The following HDAC11 variants were observed in gnomAD, a reference collection of about 807,000 sequenced individuals.
HDAC11 encodes histone deacetylase 11.
HDAC11 carries 23 observed loss-of-function variants against 41.1 expected under a neutral mutation model. That is an observed-to-expected ratio of 0.56 (90% CI 0.40 to 0.79). HDAC11 has a LOEUF of 0.79. HDAC11 is among the 30% of genes least tolerant of loss of function. The pLI, the probability that HDAC11 is intolerant of heterozygous loss-of-function variation, is 0.00. For synonymous variants in HDAC11, 187 were observed against 186.6 expected (o/e 1.00, Z -0.02); for missense variants, 402 against 477.3 (o/e 0.84, Z 1.47).
At chr3:13,494,165 C>T (rs1394282671) in intron 3 of HDAC11, among the ~76,000 whole-genome samples, 1 of 152,194 alleles carries the variant, frequency 6.6e-6, no homozygotes, top group Admixed American at 6.5e-5. Context: ...CGAGAGAATG[C>T]CTTTCTCGTG....
At chr3:13,496,626 TC>T in intron 3 of HDAC11, 109 bp from the exon 4 acceptor site, 1 of 683,690 alleles carries the variant, frequency 1.5e-6, no homozygotes, top group Non-Finnish European at 2.6e-6. Context: ...AGGGAGTTCA[TC>T]CAAGGGCACC....
chr3:13,498,605 T>C (rs1415786914), intron 5 of HDAC11, 50 bp downstream of exon 5: 3 of 918,980 alleles, frequency 3.3e-6, no homozygotes, highest in Admixed American at 3.9e-5. Context: ...TTGGTGGAAC[T>C]GGCCTGAAAG....
intron 3 of HDAC11, among the ~76,000 whole-genome samples, chr3:13,488,413 C>A (rs1490820016): frequency 3.3e-5 from 5 of 152,316 alleles, no homozygotes. Context: ...CCTTTAAACA[C>A]TTGCTCCCCA....
chr3:13,499,941 G>C (rs1473776804), intron 5 of HDAC11, among the ~76,000 whole-genome samples: 1 of 152,126 alleles, frequency 6.6e-6, no homozygotes, highest in African/African-American at 2.4e-5. Context: ...TCCTCTGTGG[G>C]TCAGTCTCCT....
At chr3:13,493,367 G>T (rs566323459) in intron 3 of HDAC11, among the ~76,000 whole-genome samples, 13 of 152,268 alleles carry the variant, frequency 8.5e-5, no homozygotes, top group African/African-American at 2.9e-4. Flanking sequence ...CACCCACTCT[G>T]TTTATTTCTC....
intron 6 of HDAC11, chr3:13,501,642 G>A (rs1702369080): frequency 1.4e-6 from 1 of 706,132 alleles, no homozygotes; most frequent in Non-Finnish European, 2.6e-6. Context: ...CACAGGACAT[G>A]CCCCCTCCTC....
chr3:13,487,338 G>A (rs890933926), intron 3 of HDAC11, among the ~76,000 whole-genome samples: 1 of 152,168 alleles, frequency 6.6e-6, no homozygotes, highest in Non-Finnish European at 1.5e-5. Context: ...GTCATTCTGT[G>A]TGTGCTGTGT....
rs2125011740 is a variant in HDAC11, at chr3:13,502,353, C to T, written c.552+420C>T. 1.0e-5 allele frequency: 2 copies of T among 200,568 alleles called. No homozygotes were observed. The highest frequency in any genetic ancestry group is 2.4e-4 in the South Asian group (2 of 8,406). 12.4% of individuals were successfully genotyped at this position (200,568 alleles called of 1,614,324 possible). A position where few individuals can be genotyped will look rare whatever the true frequency, so the allele number is the denominator to read the frequency against. Reference sequence around the variant, plus strand: ...GGCACCTGGGGTCACCATTTAAGAACTCGGCGCCTAGGGAGTAAAGTGTCA... The same window carrying T: ...GGCACCTGGGGTCACCATTTAAGAATTCGGCGCCTAGGGAGTAAAGTGTCA... On this transcript the variant is annotated intron_variant, in intron 7 of 9. Coordinates refer to ENST00000295757, the MANE Select transcript of HDAC11 (RefSeq NM_024827.4). The surrounding 1 kb of genome is among the most constrained non-coding windows in gnomAD (Gnocchi z 4.1).
At chr3:13,495,493 T>A (rs1157944863) in intron 3 of HDAC11, among the ~76,000 whole-genome samples, 1 of 152,168 alleles carries the variant, frequency 6.6e-6, no homozygotes, top group African/African-American at 2.4e-5. Flanking sequence ...TGTCCCTGCA[T>A]GCTGCCTGCT....
chr3:13,500,425 T>G (rs1461207464), intron 5 of HDAC11, among the ~76,000 whole-genome samples: 3 of 152,034 alleles, frequency 2.0e-5, no homozygotes, highest in Non-Finnish European at 4.4e-5. Flanking sequence ...CCCAGCTTGG[T>G]GGGGACAAGG....
At chr3:13,493,880 C>T (rs747509337) in intron 3 of HDAC11, among the ~76,000 whole-genome samples, 1 of 152,248 alleles carries the variant, frequency 6.6e-6, no homozygotes, top group Non-Finnish European at 1.5e-5. Context: ...CAAGGAACCT[C>T]TTTGAGGTTC....
chr3:13,488,957 G>T (rs1221058674), intron 3 of HDAC11, among the ~76,000 whole-genome samples: 1 of 151,866 alleles, frequency 6.6e-6, no homozygotes, highest in Non-Finnish European at 1.5e-5. Flanking sequence ...CCATCTTACT[G>T]GATGTGAAGT....
At position 13,502,860 on chromosome 3, in the gene HDAC11, G is replaced by A. The variant is rs771378238; in HGVS notation, c.553-24G>A. 11 of 1,599,408 alleles carry A rather than the reference G, an allele frequency of 6.9e-6. No individual in the cohort carries two copies. Among genetic ancestry groups the A allele is most frequent in the Middle Eastern group, 1.7e-4 (1 of 6,056 alleles). ...CCTTGCCTAGGGCACCTACCCGAGA[G>A]CGGCTACTGTGACCTCCCCACAGGG... On this transcript the variant is annotated intron_variant, in intron 7 of 9. Coordinates refer to ENST00000295757, the MANE Select transcript of HDAC11 (RefSeq NM_024827.4). This position sits in a 1 kb window ranked among gnomAD's most constrained non-coding sequence, Gnocchi z 4.1.
At chr3:13,499,957 G>T (rs190913846) in intron 5 of HDAC11, among the ~76,000 whole-genome samples, 1 of 152,256 alleles carries the variant, frequency 6.6e-6, no homozygotes, top group African/African-American at 2.4e-5. Context: ...CTCCTCATCT[G>T]TAAAATGGGG....
chr3:13,502,794 T>C lies in HDAC11; in HGVS notation c.553-90T>C. On this transcript the variant is annotated intron_variant, in intron 7 of 9. Transcript: ENST00000295757. The surrounding 1 kb of genome is among the most constrained non-coding windows in gnomAD (Gnocchi z 4.1). ...GAGCAGGCCGTGCTGCCCTGGCAAA[T>C]GGGGAGTTTCCTGAGGGGTGGGTGG... is the stretch of plus-strand genomic sequence containing the variant. The C allele has an allele frequency of 1.1e-6, 1 of 923,614 alleles. No homozygotes were observed. 57.2% of individuals were successfully genotyped at this position (923,614 alleles called of 1,614,324 possible).
intron 5 of HDAC11, among the ~76,000 whole-genome samples, chr3:13,499,266 T>C (rs1702246020): frequency 6.6e-6 from 1 of 152,142 alleles, no homozygotes. Context: ...GCCTCCCAGG[T>C]TCAAACAATT....
In HDAC11 at chr3:13,504,507, C is replaced by A; in HGVS notation, c.868C>A (p.Arg290Ser). The A allele has an allele frequency of 6.2e-7, 1 of 1,613,448 alleles. No homozygotes were observed. Among genetic ancestry groups the A allele is most frequent in the Non-Finnish European group, 8.5e-7 (1 of 1,180,022 alleles). The change falls in exon 10 of 10, where the codon CGT becomes AGT. Residue 290 changes from arginine (R) to serine (S), a missense_variant. By Grantham distance (110) the Arg-to-Ser change is moderately radical. Transcript: ENST00000295757. ...KRDELVFRMV[R>S]GRRVPILMVT... is the part of the protein sequence containing the mutation. ...GGATGAGCTGGTGTTCCGGATGGTCCGTGGCCGCCGGGTGCCCATCCTTAT... is the reference window on the plus strand; with the variant it reads ...GGATGAGCTGGTGTTCCGGATGGTCAGTGGCCGCCGGGTGCCCATCCTTAT...
intron 3 of HDAC11, among the ~76,000 whole-genome samples, chr3:13,492,408 G>A (rs1701907802): frequency 6.6e-6 from 1 of 152,232 alleles, no homozygotes; most frequent in Non-Finnish European, 1.5e-5. Context: ...GTGAGCAGAC[G>A]CGTGCTGTCC....
intron 6 of HDAC11, 98 bp downstream of exon 6, chr3:13,500,887 G>A (rs1702332720): frequency 3.1e-6 from 3 of 954,576 alleles, no homozygotes; most frequent in Non-Finnish European, 4.5e-6. Flanking sequence ...TTATAGACAA[G>A]GGGCCTATGC....
Sources: gnomAD v4.1 joint callset for allele counts (sites outside exome capture counted in the v4.1 genomes callset) on GRCh38, gnomAD v4.1.1 for gene constraint, Gnocchi (gnomAD v3.1) non-coding constraint, MANE v1.5 for transcripts, NCBI Gene and HGNC (gene_info 2026-07-23, HGNC 2026-07-21) for gene names.